The following ADCY8 variants were observed in gnomAD, a reference collection of about 807,000 sequenced individuals.
The protein encoded by ADCY8 is adenylate cyclase 8.
In ADCY8, 51 loss-of-function variants were observed where a neutral mutation model predicts 119.7. That is an observed-to-expected ratio of 0.43 (90% CI 0.34 to 0.54). The LOEUF is 0.54. Ranked by LOEUF, ADCY8 falls within the 20% of genes least tolerant of loss-of-function variation. The pLI, the probability that ADCY8 is intolerant of heterozygous loss-of-function variation, is 0.03. For synonymous variants in ADCY8, 665 were observed against 651.0 expected (o/e 1.02, Z -0.33); for missense variants, 1,383 against 1,598.8 (o/e 0.87, Z 2.30).
intron 4 of ADCY8, among the ~76,000 whole-genome samples, chr8:130,939,813 G>A (rs1273227243): frequency 6.6e-6 from 1 of 152,144 alleles, no homozygotes; most frequent in African/African-American, 2.4e-5. Flanking sequence ...TCAACATGCT[G>A]CTCCTTATCT....
At chr8:130,838,248 C>T (rs1000344790) in intron 11 of ADCY8, among the ~76,000 whole-genome samples, 8 of 152,152 alleles carry the variant, frequency 5.3e-5, no homozygotes, top group African/African-American at 1.7e-4. Context: ...ATGGGGTGGA[C>T]TCATAAGTGA....
intron 15 of ADCY8, 53 bp downstream of exon 15, chr8:130,800,373 G>A (rs985321475): frequency 1.1e-5 from 18 of 1,595,090 alleles, no homozygotes; most frequent in Non-Finnish European, 1.4e-5. Flanking sequence ...ATAACACAAC[G>A]CTTTGACAAC....
At chr8:130,964,026 T>C (rs976016850) in intron 2 of ADCY8, among the ~76,000 whole-genome samples, 11 of 152,216 alleles carry the variant, frequency 7.2e-5, no homozygotes, top group East Asian at 1.9e-4. Flanking sequence ...GCTAGATCTG[T>C]ACCTGGGATG....
intron 5 of ADCY8, among the ~76,000 whole-genome samples, chr8:130,926,521 T>G (rs1392615482): frequency 6.6e-6 from 1 of 152,202 alleles, no homozygotes; most frequent in Admixed American, 6.5e-5. Flanking sequence ...ACACGAAGAT[T>G]TGAAACATAT....
At chr8:130,810,813 C>T (rs1009461448) in intron 14 of ADCY8, among the ~76,000 whole-genome samples, 2 of 152,130 alleles carry the variant, frequency 1.3e-5, no homozygotes, top group Non-Finnish European at 2.9e-5. Flanking sequence ...TTGCTTTGGC[C>T]TGAATGACAG....
chr8:130,799,611 A>C (rs1041494501), intron 15 of ADCY8, among the ~76,000 whole-genome samples: 4 of 152,090 alleles, frequency 2.6e-5, no homozygotes, highest in African/African-American at 9.7e-5. Context: ...CCTCATGAGA[A>C]CTCCCTTGCT....
chr8:130,918,504 C>G (rs954138410), intron 5 of ADCY8, among the ~76,000 whole-genome samples: 3 of 152,074 alleles, frequency 2.0e-5, no homozygotes, highest in Non-Finnish European at 4.4e-5. Context: ...GGAGTAAAAC[C>G]TATTTTTTTA....
chr8:131,009,995 T>C (rs1408003400), intron 1 of ADCY8, among the ~76,000 whole-genome samples: 1 of 152,194 alleles, frequency 6.6e-6, no homozygotes, highest in Non-Finnish European at 1.5e-5. Flanking sequence ...TATAGTGCCA[T>C]TATCTCCTTA....
rs535467104 is a variant in ADCY8 at position 130,873,743 on chromosome 8, A to G, written c.2110-5797T>C. ...TTTAACTCACTAATATCTCTCAGGTATAAGCTGTTAACTCCTGCTTGAATA... is the reference window on the plus strand; with the variant it reads ...TTTAACTCACTAATATCTCTCAGGTGTAAGCTGTTAACTCCTGCTTGAATA... On this transcript the variant is annotated intron_variant, in intron 8 of 17. Transcript: ENST00000286355. 3.3e-5 allele frequency among the ~76,000 whole-genome samples: 5 copies of G among 152,310 alleles called. No homozygotes were observed. The East Asian group carries it at 9.7e-4, about 29-fold the overall frequency.
intron 1 of ADCY8, among the ~76,000 whole-genome samples, chr8:130,993,793 A>T (rs181398000): frequency 6.6e-6 from 1 of 152,182 alleles, no homozygotes; most frequent in Non-Finnish European, 1.5e-5. Flanking sequence ...ACCCAGTCTC[A>T]GGTATGTCTT....
chr8:130,840,774 C>T (rs1299997136), intron 11 of ADCY8, among the ~76,000 whole-genome samples: 2 of 152,088 alleles, frequency 1.3e-5, no homozygotes, highest in African/African-American at 2.4e-5. Context: ...TAATGGGGTT[C>T]TCTGTTTTTT....
At chr8:130,870,422 A>G (rs1158766207) in intron 8 of ADCY8, among the ~76,000 whole-genome samples, 1 of 152,100 alleles carries the variant, frequency 6.6e-6, no homozygotes, top group African/African-American at 2.4e-5. Context: ...TGCCTTCCCA[A>G]TTCAGAAATC....
chr8:130,782,337 G>A (rs1509860), intron 17 of ADCY8, among the ~76,000 whole-genome samples: 93,013 of 152,000 alleles, frequency 0.61, 29,332 homozygotes, highest in African/African-American at 0.73. Flanking sequence ...TATTATTATT[G>A]TGAGGTAGAG....
chr8:130,951,934 T>C lies in ADCY8; in HGVS notation c.1175A>G (p.Asn392Ser), dbSNP rs1821286144. ...GTGCTGCAGGTGCTCATCTTCCACA[T>C]TGGTCATGTCGTTGATCATTTCCAG... Reference protein sequence around the residue: ...VVLEMINDMTNVEDEHLQHQF... With the variant: ...VVLEMINDMTSVEDEHLQHQF... Residue 392 changes from asparagine (N) to serine (S), a missense_variant, in exon 3 of 18, where the codon AAT becomes AGT. Coordinates refer to ENST00000286355, the MANE Select transcript of ADCY8 (RefSeq NM_001115.3). 1.9e-6 allele frequency: 3 copies of C among 1,614,106 alleles called. No individual in the cohort carries two copies. The highest frequency in any genetic ancestry group is 2.5e-6 in the Non-Finnish European group (3 of 1,180,006).
At chr8:130,799,577 C>T (rs911222479) in intron 15 of ADCY8, among the ~76,000 whole-genome samples, 3 of 152,158 alleles carry the variant, frequency 2.0e-5, no homozygotes, top group African/African-American at 4.8e-5. Flanking sequence ...CATTACTGCA[C>T]CTCCTTTTGG....
intron 1 of ADCY8, among the ~76,000 whole-genome samples, chr8:131,032,310 A>G (rs1824020485): frequency 6.6e-6 from 1 of 152,232 alleles, no homozygotes; most frequent in South Asian, 2.1e-4. Context: ...TTGAGCTTGG[A>G]TATATAAAGC....
At chr8:131,006,600 A>G (rs1402202516) in intron 1 of ADCY8, among the ~76,000 whole-genome samples, 2 of 152,322 alleles carry the variant, frequency 1.3e-5, no homozygotes, top group Middle Eastern at 3.4e-3. Flanking sequence ...TTGCATATGG[A>G]ACATGAAATC....
intron 5 of ADCY8, among the ~76,000 whole-genome samples, chr8:130,923,537 C>A (rs1002059250): frequency 6.6e-6 from 1 of 152,106 alleles, no homozygotes; most frequent in African/African-American, 2.4e-5. Flanking sequence ...CTGAAAAGAC[C>A]AAGCTCTGCA....
intron 16 of ADCY8, among the ~76,000 whole-genome samples, chr8:130,784,507 T>C (rs1815189927): frequency 6.6e-6 from 1 of 152,210 alleles, no homozygotes; most frequent in Non-Finnish European, 1.5e-5. Flanking sequence ...ACAGTTTCAA[T>C]AAAGGCTAGA....
Sources: allele counts gnomAD v4.1 joint callset (sites outside exome capture counted in the v4.1 genomes callset), GRCh38; gene constraint gnomAD v4.1.1; transcripts MANE v1.5; gene names NCBI Gene and HGNC (gene_info 2026-07-23, HGNC 2026-07-21).